The following ANO3 variants were observed in gnomAD, a reference collection of about 807,000 sequenced individuals.
The protein encoded by ANO3 is anoctamin-3.
In ANO3, 99 loss-of-function variants were observed where a neutral mutation model predicts 144.8. The observed-to-expected ratio is 0.68, with a 90% CI of 0.58 to 0.81. The LOEUF (loss-of-function observed/expected upper bound fraction) is 0.81. Ranked by LOEUF, ANO3 falls within the 30% of genes least tolerant of loss-of-function variation. ANO3 has a pLI of 0.00. For missense variants in ANO3, 905 were observed against 1,202.2 expected, an observed-to-expected ratio of 0.75 and a Z score of 3.66; for synonymous variants, 414 against 392.6, an observed-to-expected ratio of 1.05 and a Z score of -0.64.
At chr11:26,282,547 A>G (rs1853703005) in intron 1 of ANO3, among the ~76,000 whole-genome samples, 1 of 152,108 alleles carries the variant, frequency 6.6e-6, no homozygotes, top group Admixed American at 6.6e-5. Flanking sequence ...CTTCCTGTAA[A>G]AGATAAGATT....
chr11:26,564,021 G>C (rs1014334091), intron 14 of ANO3, among the ~76,000 whole-genome samples: 1 of 151,558 alleles, frequency 6.6e-6, no homozygotes, highest in Non-Finnish European at 1.5e-5. Context: ...GTCTTGCAGG[G>C]TCTCTGATTC....
intron 1 of ANO3, among the ~76,000 whole-genome samples, chr11:26,315,124 G>A (rs925353986): frequency 1.5e-4 from 23 of 151,384 alleles, no homozygotes; most frequent in Non-Finnish European, 2.8e-4. Context: ...AGCTGTAGAT[G>A]ATTACATCTA....
chr11:26,591,952 G>C (rs915417360), intron 14 of ANO3, among the ~76,000 whole-genome samples: 1 of 152,190 alleles, frequency 6.6e-6, no homozygotes, highest in African/African-American at 2.4e-5. Flanking sequence ...GTCCTTCCCA[G>C]GATGTATCTA....
chr11:26,304,654 G>T (rs1854328161), upstream of ANO3, among the ~76,000 whole-genome samples: 1 of 151,964 alleles, frequency 6.6e-6, no homozygotes, highest in Admixed American at 6.6e-5. Flanking sequence ...CACCATATCA[G>T]TACATATAGA....
intron 4 of ANO3, among the ~76,000 whole-genome samples, chr11:26,476,711 G>A (rs956933178): frequency 3.9e-5 from 6 of 152,030 alleles, no homozygotes; most frequent in African/African-American, 1.2e-4. Flanking sequence ...AAGGTGCCTG[G>A]CCAAGACTGG....
chr11:26,346,922 C>G (rs1209205697), intron 1 of ANO3, among the ~76,000 whole-genome samples: 1 of 152,128 alleles, frequency 6.6e-6, no homozygotes. Context: ...AATTTGAAAG[C>G]AAGCAAAACA....
chr11:26,452,607 G>A (rs1858989299), intron 3 of ANO3, among the ~76,000 whole-genome samples: 1 of 152,192 alleles, frequency 6.6e-6, no homozygotes, highest in African/African-American at 2.4e-5. Context: ...CATCTGATTG[G>A]TATACCTGAA....
intron 1 of ANO3, among the ~76,000 whole-genome samples, chr11:26,296,950 G>A (rs1854104490): frequency 6.6e-6 from 1 of 151,880 alleles, no homozygotes; most frequent in South Asian, 2.1e-4. Context: ...CTTCTCTAGG[G>A]TACTCCAGTC....
chr11:26,419,190 T>C (rs1373862106), intron 1 of ANO3, among the ~76,000 whole-genome samples: 2 of 152,022 alleles, frequency 1.3e-5, no homozygotes, highest in Non-Finnish European at 2.9e-5. Flanking sequence ...GCTACACACT[T>C]TTAAGCAACC....
At chr11:26,485,352 CAGA>C (rs1354824857) in intron 4 of ANO3, among the ~76,000 whole-genome samples, 1 of 151,918 alleles carries the variant, frequency 6.6e-6, no homozygotes, top group Non-Finnish European at 1.5e-5. Flanking sequence ...AGTAAGTTCA[CAGA>C]AGGTCTGGTT....
At chr11:26,599,159 T>C (rs1248018464) in intron 16 of ANO3, among the ~76,000 whole-genome samples, 161 bp downstream of exon 16, 3 of 152,236 alleles carry the variant, frequency 2.0e-5, no homozygotes, top group Middle Eastern at 3.2e-3. Flanking sequence ...CAACAGGTTA[T>C]GGAGATTTTA....
intron 1 of ANO3, among the ~76,000 whole-genome samples, chr11:26,250,355 A>G (rs1328973578): frequency 6.6e-6 from 1 of 152,148 alleles, no homozygotes; most frequent in African/African-American, 2.4e-5. Context: ...TCTCTGGAGG[A>G]AAAAGTAACA....
chr11:26,509,301 A>C (rs1861559756), intron 5 of ANO3, among the ~76,000 whole-genome samples: 1 of 151,866 alleles, frequency 6.6e-6, no homozygotes, highest in Non-Finnish European at 1.5e-5. Flanking sequence ...GAGACACCTA[A>C]ACCTAAGTTA....
At chr11:26,289,604 TAC>T (rs1457755818) in intron 1 of ANO3, among the ~76,000 whole-genome samples, 104 of 84,682 alleles carry the variant, frequency 1.2e-3, no homozygotes, top group African/African-American at 4.2e-3. Flanking sequence ...TATGTACATA[TAC>T]ACACATATAT....
chr11:26,240,539 T>C (rs961441986), intron 1 of ANO3, among the ~76,000 whole-genome samples: 12 of 152,192 alleles, frequency 7.9e-5, no homozygotes, highest in Non-Finnish European at 1.8e-4. Flanking sequence ...ATCCTCATGT[T>C]CCCTGGTTTT....
In ANO3 at chr11:26,280,180, C is replaced by T. The variant is rs1590231249; in HGVS notation, c.155-29465C>T. 2.6e-5 allele frequency among the ~76,000 whole-genome samples: 4 copies of T among 152,260 alleles called. No individual in the cohort carries two copies. The East Asian group carries it at 7.7e-4, about 29-fold the overall frequency. On this transcript the variant is annotated intron_variant, in intron 1 of 27. Coordinates refer to the ANO3 transcript ENST00000672621. ...ATTTTACCACATGTGCAGAGTTGTG[C>T]AACTACTACTTAATTCAAGATAAAG... is the stretch of plus-strand genomic sequence containing the variant.
At chr11:26,565,576 G>T (rs139040141) in intron 14 of ANO3, 1 of 1,613,344 alleles carries the variant, frequency 6.2e-7, no homozygotes, top group African/African-American at 1.3e-5. Flanking sequence ...CCCAAAGAAT[G>T]CTCTGCTGAT....
At position 26,432,600 on chromosome 11, in the gene ANO3, A is replaced by G. The variant is rs144841772; in HGVS notation, c.47-9318A>G. 9.0e-3 allele frequency among the ~76,000 whole-genome samples: 1,377 copies of G among 152,260 alleles called. 31 individuals are homozygous for G. The highest frequency in any genetic ancestry group is 0.032 in the African/African-American group (1,347 of 41,554). ...TGTTTATGGTATAAGGAAGGGGTCC[A>G]GTTTCAATTTTCTGCTTATGGCTAG... is the stretch of plus-strand genomic sequence containing the variant. On this transcript the variant is annotated intron_variant, in intron 1 of 26. Transcript: ENST00000256737.
At chr11:26,350,972 C>T (rs1183079936) in intron 1 of ANO3, among the ~76,000 whole-genome samples, 1 of 151,932 alleles carries the variant, frequency 6.6e-6, no homozygotes, top group Non-Finnish European at 1.5e-5. Context: ...ATCATTTTTG[C>T]CTGATATGTA....
Sources: allele counts gnomAD v4.1 joint callset (sites outside exome capture counted in the v4.1 genomes callset), GRCh38; gene constraint gnomAD v4.1.1; transcripts MANE v1.5; gene names NCBI Gene and HGNC (gene_info 2026-07-23, HGNC 2026-07-21).